GALNT13: variants seen among roughly 807,000 people sequenced by gnomAD.
GALNT13 encodes the protein polypeptide N-acetylgalactosaminyltransferase 13, also known as UDP-GalNAc:polypeptide N-acetylgalactosaminyltransferase 13.
Under a neutral mutation model 64.2 loss-of-function variants are expected in GALNT13, and 28 were observed. The observed-to-expected ratio is 0.44, with a 90% CI of 0.32 to 0.60. The LOEUF (loss-of-function observed/expected upper bound fraction) is 0.60. Among genes scored for constraint, GALNT13 ranks in the 20% least tolerant of loss-of-function variants. The pLI is 0.05. For synonymous variants in GALNT13, 214 were observed against 224.6 expected, an observed-to-expected ratio of 0.95 and a Z score of 0.42; for missense variants, 577 against 669.8, an observed-to-expected ratio of 0.86 and a Z score of 1.53.
chr2:153,132,239 C>T, the GALNT13 span, among the ~76,000 whole-genome samples: 3 of 152,096 alleles, frequency 2.0e-5, no homozygotes, highest in Non-Finnish European at 4.4e-5. Flanking sequence ...CCAATTTAAG[C>T]TGGTGGGGGA....
chr2:154,402,540 A>G (rs889204040), intron 10 of GALNT13, among the ~76,000 whole-genome samples: 1 of 152,258 alleles, frequency 6.6e-6, no homozygotes, highest in African/African-American at 2.4e-5. Flanking sequence ...AGTTAAAACT[A>G]TCTTGGCCTT....
At chr2:153,952,925 A>T (rs189903525) in intron 3 of GALNT13, among the ~76,000 whole-genome samples, 101 of 152,294 alleles carry the variant, frequency 6.6e-4, no homozygotes, top group Non-Finnish European at 1.2e-4. Context: ...CGGAAGAAAG[A>T]TGAAGGCCAG....
the GALNT13 span, among the ~76,000 whole-genome samples, chr2:153,092,356 T>A: frequency 6.6e-6 from 1 of 152,152 alleles, no homozygotes; most frequent in Non-Finnish European, 1.5e-5. Flanking sequence ...TTTTAGGATC[T>A]TTTTTTCTAT....
intron 10 of GALNT13, among the ~76,000 whole-genome samples, chr2:154,397,175 A>G (rs1012562878): frequency 6.6e-6 from 1 of 152,058 alleles, no homozygotes; most frequent in African/African-American, 2.4e-5. Context: ...GTGGTTCACG[A>G]CTGTAATCCC....
At chr2:154,253,213 T>C (rs1559050040) in intron 7 of GALNT13, among the ~76,000 whole-genome samples, 1 of 152,152 alleles carries the variant, frequency 6.6e-6, no homozygotes, top group Non-Finnish European at 1.5e-5. Context: ...GAATCCAATC[T>C]AGCTATGAAG....
the GALNT13 span, among the ~76,000 whole-genome samples, chr2:153,836,630 G>T: frequency 3.9e-4 from 59 of 150,988 alleles, no homozygotes; most frequent in Admixed American, 3.8e-3. Flanking sequence ...TTAACATTAG[G>T]TATATCTCCT....
chr2:153,346,737 C>G, the GALNT13 span, among the ~76,000 whole-genome samples: 1 of 152,118 alleles, frequency 6.6e-6, no homozygotes, highest in African/African-American at 2.4e-5. Flanking sequence ...TATTTCATAA[C>G]TTTTGAAATG....
chr2:154,236,094 G>C (rs1427464053), intron 4 of GALNT13: 1 of 1,182,568 alleles, frequency 8.5e-7, no homozygotes, highest in Non-Finnish European at 1.1e-6. Context: ...TGACAGAAGA[G>C]ATTGTAAAAG....
At chr2:153,203,717 A>G in the GALNT13 span, among the ~76,000 whole-genome samples, 1 of 152,204 alleles carries the variant, frequency 6.6e-6, no homozygotes, top group Non-Finnish European at 1.5e-5. Flanking sequence ...ACCACAAGAA[A>G]TCACTTAACC....
the GALNT13 span, among the ~76,000 whole-genome samples, chr2:153,694,782 G>C: frequency 5.3e-4 from 81 of 152,108 alleles, no homozygotes; most frequent in African/African-American, 1.9e-3. Flanking sequence ...TTACAAATCT[G>C]TTCTCCACTT....
chr2:153,203,776 C>A, the GALNT13 span, among the ~76,000 whole-genome samples: 268 of 152,176 alleles, frequency 1.8e-3, 1 homozygote, highest in Non-Finnish European at 3.2e-3. Context: ...ATCTCACTTA[C>A]AGATATATTA....
intron 4 of GALNT13, among the ~76,000 whole-genome samples, chr2:154,147,421 G>A (rs754725357): frequency 1.3e-5 from 2 of 150,334 alleles, no homozygotes; most frequent in Non-Finnish European, 3.0e-5. Flanking sequence ...ATGTGGCAGT[G>A]TGAATTTAGA....
the GALNT13 span, among the ~76,000 whole-genome samples, chr2:153,196,351 G>T: frequency 6.6e-6 from 1 of 151,902 alleles, no homozygotes; most frequent in Admixed American, 6.6e-5. Flanking sequence ...AAGTCTAGAG[G>T]GGGCCAAGGT....
chr2:153,385,823 A>G, the GALNT13 span, among the ~76,000 whole-genome samples: 2 of 152,056 alleles, frequency 1.3e-5, no homozygotes, highest in African/African-American at 4.8e-5. Context: ...CCTTTAACCC[A>G]TAACTATATA....
the GALNT13 span, among the ~76,000 whole-genome samples, chr2:153,546,635 G>A: frequency 6.6e-6 from 1 of 152,160 alleles, no homozygotes; most frequent in African/African-American, 2.4e-5. Flanking sequence ...ACGATATCAA[G>A]TACAATATTA....
chr2:153,807,995 A>C, the GALNT13 span, among the ~76,000 whole-genome samples: 4 of 152,174 alleles, frequency 2.6e-5, no homozygotes, highest in Non-Finnish European at 5.9e-5. Flanking sequence ...CAACTGAATT[A>C]TCAACTTCAC....
chr2:154,452,795 A>G lies in GALNT13; in HGVS notation c.*2244A>G, dbSNP rs1257325904. 1 of 152,196 alleles carries G rather than the reference A, an allele frequency of 6.6e-6. No individual in the cohort carries two copies. Among genetic ancestry groups the G allele is most frequent in the East Asian group, 1.9e-4 (1 of 5,192 alleles). The allele number at this position is 152,196 out of a possible 1,614,324, so 9.4% of individuals were successfully genotyped here. A position where few individuals can be genotyped will look rare whatever the true frequency, so the allele number is the denominator to read the frequency against. ...CATCCAACACTAGAAAGCAATGACT[A>G]ACATTTAATTTGTTTACAAAAATGT... On this transcript the variant is annotated 3_prime_UTR_variant, in exon 13 of 13. Coordinates refer to ENST00000392825, the MANE Select transcript of GALNT13 (RefSeq NM_052917.4).
At chr2:154,436,897 T>A (rs1417834163) in intron 11 of GALNT13, 1 of 151,914 alleles carries the variant, frequency 6.6e-6, no homozygotes, top group Non-Finnish European at 1.5e-5. Flanking sequence ...TTTTCTGGGT[T>A]TTGTTGTTGT....
At chr2:153,855,422 C>T in the GALNT13 span, among the ~76,000 whole-genome samples, 6 of 152,076 alleles carry the variant, frequency 3.9e-5, no homozygotes, top group African/African-American at 2.4e-5. Context: ...CAAAAATGGG[C>T]AAATTACCTG....
Sources: allele counts gnomAD v4.1 joint callset (sites outside exome capture counted in the v4.1 genomes callset), GRCh38; gene constraint gnomAD v4.1.1; transcripts MANE v1.5; gene names NCBI Gene and HGNC (gene_info 2026-07-23, HGNC 2026-07-21).